ST6GALNAC5: variants seen among roughly 807,000 people sequenced by gnomAD.
ST6GALNAC5 encodes ST6 N-acetylgalactosaminide alpha-2,6-sialyltransferase 5.
Under a neutral mutation model 33.6 loss-of-function variants are expected in ST6GALNAC5, and 27 were observed. That is an observed-to-expected ratio of 0.80 (90% CI 0.59 to 1.11). ST6GALNAC5 has a LOEUF of 1.11. Ranked by LOEUF, ST6GALNAC5 falls within the 50% of genes least tolerant of loss-of-function variation. The pLI, the probability that ST6GALNAC5 is intolerant of heterozygous loss-of-function variation, is 0.00. For synonymous variants in ST6GALNAC5, 194 were observed against 171.2 expected, an observed-to-expected ratio of 1.13 and a Z score of -1.04; for missense variants, 428 against 454.0, an observed-to-expected ratio of 0.94 and a Z score of 0.52.
At chr1:76,889,327 T>G (rs2100246396) in intron 2 of ST6GALNAC5, among the ~76,000 whole-genome samples, 1 of 152,216 alleles carries the variant, frequency 6.6e-6, no homozygotes, top group South Asian at 2.1e-4. Flanking sequence ...TTGTTTCAGA[T>G]AGTCAATATT....
At chr1:77,013,779 A>G (rs892631633) in intron 2 of ST6GALNAC5, among the ~76,000 whole-genome samples, 1 of 152,196 alleles carries the variant, frequency 6.6e-6, no homozygotes, top group Non-Finnish European at 1.5e-5. Flanking sequence ...TGGAAGTCGG[A>G]TGGCCTTTCT....
At chr1:76,955,829 C>A (rs1029503673) in intron 2 of ST6GALNAC5, among the ~76,000 whole-genome samples, 1 of 152,162 alleles carries the variant, frequency 6.6e-6, no homozygotes. Flanking sequence ...ATTGAGCAAC[C>A]AGTGCAGCAT....
chr1:77,035,802 G>A (rs1028038477), intron 2 of ST6GALNAC5, among the ~76,000 whole-genome samples: 1 of 152,154 alleles, frequency 6.6e-6, no homozygotes, highest in Non-Finnish European at 1.5e-5. Flanking sequence ...GGAACTAGTG[G>A]GTGGGAATAT....
intron 2 of ST6GALNAC5, among the ~76,000 whole-genome samples, chr1:76,943,096 C>A (rs1316006367): frequency 6.6e-6 from 1 of 152,092 alleles, no homozygotes; most frequent in Non-Finnish European, 1.5e-5. Flanking sequence ...TTCCTCTAGC[C>A]ACAGTTAATG....
chr1:76,956,060 C>A (rs1191166589), intron 2 of ST6GALNAC5, among the ~76,000 whole-genome samples: 3 of 151,994 alleles, frequency 2.0e-5, no homozygotes, highest in Non-Finnish European at 4.4e-5. Context: ...ATTGGTACTG[C>A]CTTATTGTAG....
At chr1:76,986,526 G>A (rs1249134371) in intron 2 of ST6GALNAC5, among the ~76,000 whole-genome samples, 1 of 152,164 alleles carries the variant, frequency 6.6e-6, no homozygotes, top group Non-Finnish European at 1.5e-5. Context: ...AGATGCTAGA[G>A]GATGTGGAGA....
intron 3 of ST6GALNAC5, 80 bp from the exon 4 acceptor site, chr1:77,050,178 A>C: frequency 8.4e-7 from 1 of 1,186,636 alleles, no homozygotes; most frequent in Non-Finnish European, 1.3e-6. Context: ...AGTTAGCCTT[A>C]CTCTAGGAAA....
chr1:77,032,800 A>G (rs993657140), intron 2 of ST6GALNAC5, among the ~76,000 whole-genome samples: 20 of 152,064 alleles, frequency 1.3e-4, no homozygotes, highest in African/African-American at 4.3e-4. Context: ...TTTTCCCCCA[A>G]TGTAATTCAG....
intron 4 of ST6GALNAC5, among the ~76,000 whole-genome samples, chr1:77,054,324 T>C (rs1167169394): frequency 6.6e-6 from 1 of 152,230 alleles, no homozygotes; most frequent in East Asian, 1.9e-4. Context: ...CCACTGATTC[T>C]ATCAGGTGGC....
At chr1:76,976,021 G>T (rs369849050) in intron 2 of ST6GALNAC5, among the ~76,000 whole-genome samples, 1 of 152,146 alleles carries the variant, frequency 6.6e-6, no homozygotes, top group African/African-American at 2.4e-5. Flanking sequence ...CTTGAAACCC[G>T]GAGGTGGAGA....
At position 77,044,506 on chromosome 1, in the gene ST6GALNAC5, C is replaced by G. The variant is rs774280846; in HGVS notation, c.564C>G (p.Asn188Lys). Residue 188 changes from asparagine (N) to lysine (K), a missense_variant, in exon 3 of 5, where the codon AAC becomes AAG. By Grantham distance (94) the Asn-to-Lys change is moderately conservative. Coordinates refer to ENST00000477717, the MANE Select transcript of ST6GALNAC5 (RefSeq NM_030965.3). The stretch of plus-strand genomic sequence containing the variant: ...ACGGCAAGGGCCAGGTCTACAACAA[C>G]CTGCATCTCCTGAGCCAGGTGCTGC... The part of the protein sequence containing the change: ...RRDGKGQVYN[N>K]LHLLSQVLPR... 3.5e-5 allele frequency: 56 copies of G among 1,612,616 alleles called. No individual in the cohort carries two copies. The highest frequency in any genetic ancestry group is 4.5e-5 in the Non-Finnish European group (53 of 1,179,358).
At position 76,960,581 on chromosome 1, in the gene ST6GALNAC5, C is replaced by T. The variant is rs564519514; in HGVS notation, c.262-83623C>T. On this transcript the variant is annotated intron_variant, in intron 2 of 4. Coordinates refer to ENST00000477717, the MANE Select transcript of ST6GALNAC5 (RefSeq NM_030965.3). ...TTCCTCGTCCTAATAAGCCTGGGAG[C>T]GATATGGGAGACTGGGGCTTATTTC... is the stretch of plus-strand genomic sequence containing the variant. Among the ~76,000 whole-genome samples, 309 of 152,154 alleles carry T rather than the reference C, an allele frequency of 2.0e-3. 2 individuals are homozygous for T. Among genetic ancestry groups the T allele is most frequent in the African/African-American group, 7.2e-3 (297 of 41,530 alleles).
intron 2 of ST6GALNAC5, among the ~76,000 whole-genome samples, chr1:76,966,647 G>C (rs2100358220): frequency 6.6e-6 from 1 of 152,274 alleles, no homozygotes; most frequent in Middle Eastern, 3.4e-3. Context: ...GAATAGGAGT[G>C]GTGAGAGAGG....
intron 2 of ST6GALNAC5, among the ~76,000 whole-genome samples, chr1:76,957,730 T>A (rs996792864): frequency 2.0e-5 from 3 of 152,014 alleles, no homozygotes; most frequent in Non-Finnish European, 4.4e-5. Flanking sequence ...TTTCGCTACA[T>A]AACCACAATA....
intron 2 of ST6GALNAC5, among the ~76,000 whole-genome samples, chr1:76,913,721 C>T (rs925570380): frequency 6.6e-6 from 1 of 151,954 alleles, no homozygotes; most frequent in Non-Finnish European, 1.5e-5. Flanking sequence ...CGGCTCCAAA[C>T]CCACAGGCAA....
intron 2 of ST6GALNAC5, among the ~76,000 whole-genome samples, chr1:76,910,588 G>A (rs1315853323): frequency 6.6e-6 from 1 of 151,904 alleles, no homozygotes; most frequent in East Asian, 1.9e-4. Context: ...CACTTATAAA[G>A]TTTCAATATT....
At chr1:77,038,858 G>T (rs1463165582) in intron 2 of ST6GALNAC5, among the ~76,000 whole-genome samples, 3 of 152,182 alleles carry the variant, frequency 2.0e-5, no homozygotes, top group African/African-American at 7.2e-5. Context: ...ATGTTTGGGG[G>T]TTTTGTTGGT....
intron 4 of ST6GALNAC5, 84 bp downstream of exon 4, chr1:77,050,449 C>T: frequency 7.6e-7 from 1 of 1,313,666 alleles, no homozygotes; most frequent in Non-Finnish European, 1.1e-6. Flanking sequence ...AACCATGAAA[C>T]ATGTCTAACT....
At chr1:76,993,718 G>A (rs755066571) in intron 2 of ST6GALNAC5, among the ~76,000 whole-genome samples, 13 of 152,086 alleles carry the variant, frequency 8.5e-5, no homozygotes, top group Non-Finnish European at 1.3e-4. Context: ...TCTCTACTAC[G>A]TTACGTTTAG....
Sources: gnomAD v4.1 joint callset for allele counts (sites outside exome capture counted in the v4.1 genomes callset) on GRCh38, gnomAD v4.1.1 for gene constraint, MANE v1.5 for transcripts, NCBI Gene and HGNC (gene_info 2026-07-23, HGNC 2026-07-21) for gene names.